PRKCH: variants seen among roughly 807,000 people sequenced by gnomAD.
The protein encoded by PRKCH is protein kinase C eta type.
Under a neutral mutation model 82.5 loss-of-function variants are expected in PRKCH, and 28 were observed. The observed-to-expected ratio is 0.34, with a 90% CI of 0.25 to 0.47. The LOEUF is 0.47. Ranked by LOEUF, PRKCH falls within the 20% of genes least tolerant of loss-of-function variation. The pLI, the probability that PRKCH is intolerant of heterozygous loss-of-function variation, is 1.00. For synonymous variants in PRKCH, 322 were observed against 327.4 expected (o/e 0.98, Z 0.18); for missense variants, 705 against 881.8 (o/e 0.80, Z 2.54).
chr14:61,512,330 A>G (rs1887415684), intron 10 of PRKCH, among the ~76,000 whole-genome samples: 1 of 151,426 alleles, frequency 6.6e-6, no homozygotes, highest in Admixed American at 6.6e-5. Flanking sequence ...TCAGAGAGAA[A>G]ATCCAGGAAA....
At chr14:61,503,968 G>A (rs962500531) in intron 10 of PRKCH, among the ~76,000 whole-genome samples, 2 of 152,104 alleles carry the variant, frequency 1.3e-5, no homozygotes, top group Non-Finnish European at 2.9e-5. Context: ...TAATTCTCAA[G>A]ATAAAAACTC....
chr14:61,341,158 C>T (rs1042184057), intron 1 of PRKCH, among the ~76,000 whole-genome samples: 8 of 152,178 alleles, frequency 5.3e-5, no homozygotes, highest in Admixed American at 2.0e-4. Flanking sequence ...AGTTCAGGCT[C>T]CTGGGGAGGG....
intron 1 of PRKCH, among the ~76,000 whole-genome samples, chr14:61,251,601 T>C (rs893069652): frequency 6.6e-6 from 1 of 152,242 alleles, no homozygotes; most frequent in Non-Finnish European, 1.5e-5. Context: ...TCTGTTCATC[T>C]GTGGATGGAC....
intron 1 of PRKCH, among the ~76,000 whole-genome samples, chr14:61,343,947 G>A (rs1297379041): frequency 3.3e-5 from 5 of 152,152 alleles, no homozygotes; most frequent in East Asian, 3.8e-4. Flanking sequence ...GCTGCACAAG[G>A]CCTGTATTTT....
intron 1 of PRKCH, among the ~76,000 whole-genome samples, chr14:61,271,965 C>G (rs915721478): frequency 6.6e-6 from 1 of 152,220 alleles, no homozygotes; most frequent in African/African-American, 2.4e-5. Context: ...GTGGCTCACG[C>G]CTGTAATCCC....
rs150538131 is a variant in PRKCH at position 61,206,567 on chromosome 14, G to C, written c.-19+18899G>C. Among the ~76,000 whole-genome samples, 125 of 152,270 alleles carry C rather than the reference G, an allele frequency of 8.2e-4. 1 individual carries two copies. Among genetic ancestry groups the C allele is most frequent in the Non-Finnish European group, 1.0e-3 (71 of 68,026 alleles). On this transcript the variant is annotated intron_variant, in intron 1 of 3. Transcript: ENST00000555185. ...GGGGACACTAATGAACCCACTATAG[G>C]GGGGAACATGGAGAAAGATAGGGGA... is the stretch of plus-strand genomic sequence containing the variant.
chr14:61,367,731 T>C (rs2046314791), intron 1 of PRKCH, among the ~76,000 whole-genome samples: 1 of 151,360 alleles, frequency 6.6e-6, no homozygotes, highest in Non-Finnish European at 1.5e-5. Context: ...TTTTTTTTTT[T>C]TTTTAAACAG....
intron 10 of PRKCH, among the ~76,000 whole-genome samples, chr14:61,524,922 A>G (rs2042947661): frequency 6.6e-6 from 1 of 152,136 alleles, no homozygotes; most frequent in South Asian, 2.1e-4. Context: ...GGCTTTTTAT[A>G]AGTTTAAGTA....
chr14:61,469,487 A>G (rs1192320000), intron 9 of PRKCH, among the ~76,000 whole-genome samples: 2 of 152,184 alleles, frequency 1.3e-5, no homozygotes, highest in African/African-American at 4.8e-5. Context: ...TGTGGGCTGC[A>G]GATGGTTCCC....
chr14:61,313,896 G>A (rs943549796), intron 1 of PRKCH, among the ~76,000 whole-genome samples: 1 of 152,318 alleles, frequency 6.6e-6, no homozygotes, highest in East Asian at 1.9e-4. Flanking sequence ...TGAGATTTGG[G>A]TGGGGACACA....
chr14:61,276,301 A>T (rs2045201212), intron 1 of PRKCH, among the ~76,000 whole-genome samples: 2 of 152,180 alleles, frequency 1.3e-5, no homozygotes. Flanking sequence ...TAGAGAGAAA[A>T]AATCTGGAAC....
At chr14:61,215,949 G>T (rs944922788) in intron 1 of PRKCH, among the ~76,000 whole-genome samples, 1 of 152,158 alleles carries the variant, frequency 6.6e-6, no homozygotes, top group African/African-American at 2.4e-5. Flanking sequence ...GTTTTAAGAC[G>T]CATCCAGGAG....
intron 8 of PRKCH, 77 bp from the exon 9 acceptor site, chr14:61,457,425 ATTCT>A: frequency 6.3e-7 from 1 of 1,587,372 alleles, no homozygotes; most frequent in Non-Finnish European, 8.6e-7. Context: ...CTCATGTGCC[ATTCT>A]TTCTTCCTGT....
At chr14:61,456,357 T>C (rs749655347) in intron 7 of PRKCH, among the ~76,000 whole-genome samples, 2 of 152,248 alleles carry the variant, frequency 1.3e-5, no homozygotes, top group African/African-American at 2.4e-5. Flanking sequence ...TCCAGTGTTA[T>C]TCACTGTGGT....
chr14:61,376,565 G>A (rs1343567692), intron 1 of PRKCH, among the ~76,000 whole-genome samples: 1 of 151,914 alleles, frequency 6.6e-6, no homozygotes, highest in Non-Finnish European at 1.5e-5. Flanking sequence ...GCTGCCTTTG[G>A]GCTTTTCATC....
At chr14:61,327,045 G>C (rs1015891335) in intron 1 of PRKCH, 3 of 455,982 alleles carry the variant, frequency 6.6e-6, no homozygotes, top group South Asian at 3.1e-5. Flanking sequence ...GCTGCGTCAT[G>C]GAAAGACCTT....
At chr14:61,350,271 G>A (rs1206040274) in intron 1 of PRKCH, among the ~76,000 whole-genome samples, 4 of 152,094 alleles carry the variant, frequency 2.6e-5, no homozygotes, top group African/African-American at 4.8e-5. Flanking sequence ...TTGAAAGCAC[G>A]CTTGCTTGTT....
chr14:61,389,975 A>C (rs532441222), intron 1 of PRKCH, among the ~76,000 whole-genome samples: 1 of 152,222 alleles, frequency 6.6e-6, no homozygotes, highest in Admixed American at 6.5e-5. Context: ...TTCAGATGAA[A>C]GGTCAAAGGC....
At chr14:61,244,661 TA>T (rs1303081019) in intron 1 of PRKCH, among the ~76,000 whole-genome samples, 6 of 152,206 alleles carry the variant, frequency 3.9e-5, no homozygotes, top group Admixed American at 1.3e-4. Flanking sequence ...CTCAGAGGTT[TA>T]GTGGACTCTG....
Sources: gnomAD v4.1 joint callset for allele counts (sites outside exome capture counted in the v4.1 genomes callset) on GRCh38, gnomAD v4.1.1 for gene constraint, MANE v1.5 for transcripts, NCBI Gene and HGNC (gene_info 2026-07-23, HGNC 2026-07-21) for gene names.